The following UGGT1 variants were observed in gnomAD, a reference collection of about 807,000 sequenced individuals.
UGGT1 encodes UDP-glucose:glycoprotein glucosyltransferase 1.
A neutral mutation model predicts 203.9 loss-of-function variants in UGGT1; 107 were observed. The ratio of observed to expected loss-of-function variants is 0.52; its 90% CI spans 0.45 to 0.62. The LOEUF is 0.62. UGGT1 is among the 20% of genes least tolerant of loss of function. UGGT1 has a pLI of 0.00. For missense variants in UGGT1, 1,673 were observed against 1,867.2 expected (o/e 0.90, Z 1.92); for synonymous variants, 628 against 653.5 (o/e 0.96, Z 0.59).
chr2:128,164,483 G>T (rs1690683204), intron 25 of UGGT1, among the ~76,000 whole-genome samples: 1 of 152,314 alleles, frequency 6.6e-6, no homozygotes, highest in African/African-American at 2.4e-5. Flanking sequence ...TAGGTGCATT[G>T]CAGAGTTGTG....
intron 19 of UGGT1, among the ~76,000 whole-genome samples, chr2:128,153,314 TAGGA>T (rs1446412251): frequency 6.6e-6 from 1 of 152,176 alleles, no homozygotes; most frequent in Non-Finnish European, 1.5e-5. Context: ...TCTGAGAACT[TAGGA>T]AGGCCTTTAG....
intron 1 of UGGT1, among the ~76,000 whole-genome samples, chr2:128,092,605 C>CTTTTTTTTTT (rs55814829): frequency 6.2e-4 from 79 of 126,594 alleles, no homozygotes; most frequent in Non-Finnish European, 9.4e-4. Context: ...TTCTTTCTTT[C>CTTTTTTTTTT]TTTTTTTTTT....
intron 2 of UGGT1, among the ~76,000 whole-genome samples, chr2:128,099,235 C>T (rs1393879051): frequency 2.0e-5 from 3 of 152,072 alleles, no homozygotes; most frequent in Admixed American, 2.0e-4. Flanking sequence ...CCTCTGCCTC[C>T]TGGACTCAAG....
At chr2:128,156,721 C>T (rs1199318617) in intron 21 of UGGT1, among the ~76,000 whole-genome samples, 1 of 152,028 alleles carries the variant, frequency 6.6e-6, no homozygotes, top group Non-Finnish European at 1.5e-5. Flanking sequence ...GCACCCGCCA[C>T]CACGTCCAGC....
chr2:128,145,048 C>T (rs150363972), intron 17 of UGGT1, among the ~76,000 whole-genome samples: 251 of 152,268 alleles, frequency 1.6e-3, no homozygotes, highest in African/African-American at 5.7e-3. Flanking sequence ...GGCCAGTGAA[C>T]CTCTTTTGTC....
intron 18 of UGGT1, among the ~76,000 whole-genome samples, chr2:128,152,055 A>G (rs921060990): frequency 1.3e-5 from 2 of 152,232 alleles, no homozygotes; most frequent in East Asian, 1.9e-4. Flanking sequence ...ATGATTTCCT[A>G]TCCTCTCATT....
intron 17 of UGGT1, 61 bp downstream of exon 17, chr2:128,143,286 T>A: frequency 4.0e-6 from 6 of 1,486,674 alleles, no homozygotes; most frequent in Non-Finnish European, 5.4e-6. Flanking sequence ...TAACCCCGTG[T>A]TTGGGGGCTT....
intron 22 of UGGT1, among the ~76,000 whole-genome samples, chr2:128,158,125 C>T (rs148142631): frequency 9.6e-4 from 146 of 152,174 alleles, no homozygotes; most frequent in Middle Eastern, 3.4e-3. Flanking sequence ...TAGCTAAGGG[C>T]GATAGTTATA....
chr2:128,143,065 A>T, intron 16 of UGGT1, 29 bp from the exon 17 acceptor site: 1 of 1,565,330 alleles, frequency 6.4e-7, no homozygotes, highest in East Asian at 2.3e-5. Flanking sequence ...TTAAAAGTGT[A>T]GTTAACCAAC....
intron 3 of UGGT1, among the ~76,000 whole-genome samples, chr2:128,107,057 AC>A (rs1429137208): frequency 6.6e-6 from 1 of 152,212 alleles, no homozygotes; most frequent in Non-Finnish European, 1.5e-5. Flanking sequence ...AAGGTTATAC[AC>A]AGAGAAATCT....
At chr2:128,160,301 G>A (rs1455673741) in intron 23 of UGGT1, among the ~76,000 whole-genome samples, 159 bp from the exon 24 acceptor site, 2 of 152,178 alleles carry the variant, frequency 1.3e-5, no homozygotes, top group African/African-American at 4.8e-5. Context: ...TAGGGAGATG[G>A]CGGGGAGACT....
At position 128,173,789 on chromosome 2, in the gene UGGT1, T is replaced by C. The variant is rs1471499932; in HGVS notation, c.3303T>C (p.Ser1101=). 3.7e-6 allele frequency: 6 copies of C among 1,614,130 alleles called. No homozygotes were observed. Among genetic ancestry groups the C allele is most frequent in the Middle Eastern group, 3.3e-4 (2 of 6,062 alleles). The change falls in exon 30 of 41, where the codon AGT becomes AGC. Residue 1101 remains serine, a synonymous_variant. Transcript: ENST00000259253. The stretch of plus-strand genomic sequence containing the variant: ...TGGATTTTGGCTTGCAGGTGGACAG[T>C]GTAGTGGCTGCTGAGTATGAGCTGG... ...LDNIYLEEVD[S]VVAAEYELEY... is the part of the protein sequence containing the mutation.
intron 1 of UGGT1, 194 bp downstream of exon 1, chr2:128,091,609 C>T (rs1686868897): frequency 4.2e-6 from 6 of 1,433,722 alleles, no homozygotes. Flanking sequence ...ATCGCTTCCG[C>T]GGGGGTGGCG....
At position 128,189,883 on chromosome 2, in the gene UGGT1, C is replaced by T. The variant is rs1457356328; in HGVS notation, c.*141C>T. Reference sequence around the variant, plus strand: ...ACCTTTTGATTCTGAGCATTTGATTCTGACTTCTGTACTCTGGTGGCCACT... The same window carrying T: ...ACCTTTTGATTCTGAGCATTTGATTTTGACTTCTGTACTCTGGTGGCCACT... On this transcript the variant is annotated 3_prime_UTR_variant, in exon 41 of 41. Coordinates refer to ENST00000259253, the MANE Select transcript of UGGT1 (RefSeq NM_020120.4). The T allele has an allele frequency of 2.4e-5, 22 of 908,104 alleles. No individual in the cohort carries two copies. The highest frequency in any genetic ancestry group is 1.6e-4 in the East Asian group (6 of 37,514). The allele number at this position is 908,104 out of a possible 1,614,324, so 56.3% of individuals were successfully genotyped here. A position where few individuals can be genotyped will look rare whatever the true frequency, so the allele number is the denominator to read the frequency against.
chr2:128,112,989 T>A, intron 5 of UGGT1, 95 bp from the exon 6 acceptor site: 2 of 1,168,050 alleles, frequency 1.7e-6, no homozygotes, highest in Non-Finnish European at 2.3e-6. Flanking sequence ...TTATAATCTT[T>A]ATTTGAATTT....
intron 38 of UGGT1, among the ~76,000 whole-genome samples, chr2:128,186,354 C>G (rs1411012505): frequency 6.6e-6 from 1 of 152,176 alleles, no homozygotes; most frequent in Non-Finnish European, 1.5e-5. Context: ...TGCCTATAAT[C>G]TCAGCACTTT....
At chr2:128,098,444 C>T (rs1231267232) in intron 2 of UGGT1, among the ~76,000 whole-genome samples, 1 of 152,150 alleles carries the variant, frequency 6.6e-6, no homozygotes, top group East Asian at 1.9e-4. Context: ...CCATGCAGCT[C>T]AATCTTTCTT....
chr2:128,122,543 A>G (rs1377912419), intron 10 of UGGT1, among the ~76,000 whole-genome samples: 1 of 152,130 alleles, frequency 6.6e-6, no homozygotes, highest in East Asian at 1.9e-4. Flanking sequence ...TAAAAAAAAA[A>G]AAAAAGATTT....
intron 25 of UGGT1, among the ~76,000 whole-genome samples, chr2:128,162,645 C>T (rs1481845956): frequency 1.3e-5 from 2 of 152,142 alleles, no homozygotes; most frequent in African/African-American, 4.8e-5. Context: ...TCAGTGGCTC[C>T]TGAGTGATGC....
Sources: allele counts gnomAD v4.1 joint callset (sites outside exome capture counted in the v4.1 genomes callset), GRCh38; gene constraint gnomAD v4.1.1; transcripts MANE v1.5; gene names NCBI Gene and HGNC (gene_info 2026-07-23, HGNC 2026-07-21).